The following FRAS1 variants were observed in gnomAD, a reference collection of about 807,000 sequenced individuals.
FRAS1 encodes Fraser extracellular matrix complex subunit 1.
FRAS1 carries 290 observed loss-of-function variants against 435.2 expected under a neutral mutation model. The observed-to-expected ratio is 0.67, with a 90% CI of 0.61 to 0.73. The LOEUF is 0.73. Among genes scored for constraint, FRAS1 ranks in the 30% least tolerant of loss-of-function variants. The pLI is 0.00. For missense variants in FRAS1, 4,860 were observed against 5,001.5 expected (o/e 0.97, Z 0.85); for synonymous variants, 1,800 against 1,851.0 (o/e 0.97, Z 0.71).
chr4:78,282,197 T>C (rs1727362417), intron 11 of FRAS1, among the ~76,000 whole-genome samples: 1 of 152,218 alleles, frequency 6.6e-6, no homozygotes, highest in Admixed American at 6.5e-5. Context: ...AAAAATGAAT[T>C]GTTCTTTACA....
intron 2 of FRAS1, among the ~76,000 whole-genome samples, chr4:78,141,468 T>C (rs1199900476): frequency 6.6e-6 from 1 of 152,068 alleles, no homozygotes; most frequent in Non-Finnish European, 1.5e-5. Context: ...TAAAAACAAC[T>C]AGAAAATATG....
chr4:78,515,912 A>G lies in FRAS1; in HGVS notation c.10288A>G (p.Lys3430Glu). 6.2e-7 allele frequency: 1 copy of G among 1,614,024 alleles called. No homozygotes were observed. Residue 3430 changes from lysine to glutamate, a missense_variant, in exon 66 of 74, where the codon AAA (lysine) becomes GAA (glutamate). Physicochemically the swap from Lys to Glu is moderately conservative, Grantham distance 56. Transcript: ENST00000512123. ...AGAGCCGAAGACCATCCAGCTCTAC[A>G]AACACCTGAACCTGAAGAGCTGCGT... Reference protein sequence around the residue: ...VREPKTIQLYKHLNLKSCVWT... With the variant: ...VREPKTIQLYEHLNLKSCVWT...
intron 2 of FRAS1, among the ~76,000 whole-genome samples, chr4:78,225,090 C>T (rs755408479): frequency 5.3e-5 from 8 of 152,098 alleles, no homozygotes; most frequent in Non-Finnish European, 5.9e-5. Context: ...GTGTCTGGAG[C>T]ACAGGAAAGG....
intron 2 of FRAS1, among the ~76,000 whole-genome samples, chr4:78,101,999 T>C (rs1420117890): frequency 1.3e-5 from 2 of 152,208 alleles, no homozygotes; most frequent in African/African-American, 2.4e-5. Flanking sequence ...CTCCATATTA[T>C]ACTGAAGAGG....
chr4:78,211,336 G>A (rs1320971664), intron 2 of FRAS1, among the ~76,000 whole-genome samples: 1 of 152,166 alleles, frequency 6.6e-6, no homozygotes, highest in African/African-American at 2.4e-5. Flanking sequence ...GCCATCTTTC[G>A]ATGTATTTTT....
chr4:78,303,632 T>C (rs1283517344), intron 14 of FRAS1, among the ~76,000 whole-genome samples: 2 of 152,192 alleles, frequency 1.3e-5, no homozygotes, highest in Non-Finnish European at 2.9e-5. Flanking sequence ...GAATGGGAGT[T>C]CACCCATTAT....
intron 2 of FRAS1, among the ~76,000 whole-genome samples, chr4:78,083,542 AC>A (rs1740996620): frequency 6.6e-6 from 1 of 151,858 alleles, no homozygotes; most frequent in Admixed American, 6.6e-5. Flanking sequence ...AAGCCTAGGA[AC>A]ACCCTACCTC....
At chr4:78,521,409 AT>A in intron 67 of FRAS1, 113 bp from the exon 68 acceptor site, 1 of 651,964 alleles carries the variant, frequency 1.5e-6, no homozygotes, top group Non-Finnish European at 2.7e-6. Flanking sequence ...ATCTTGTTAC[AT>A]TCAAATAAAT....
intron 72 of FRAS1, among the ~76,000 whole-genome samples, chr4:78,538,580 T>C (rs1487815788): frequency 6.6e-6 from 1 of 152,076 alleles, no homozygotes; most frequent in Non-Finnish European, 1.5e-5. Flanking sequence ...CTTACAATCA[T>C]AGCAGAAGGG....
rs548502648 is a variant in FRAS1 at position 78,067,200 on chromosome 4, T to C, written c.108+1184T>C. Among the ~76,000 whole-genome samples the C allele has an allele frequency of 2.0e-5, 3 of 152,312 alleles. No individual in the cohort carries two copies. The East Asian group carries it at 5.8e-4, about 29-fold the overall frequency. On this transcript the variant is annotated intron_variant, in intron 2 of 73. Transcript: ENST00000512123. ...GTATTCATATGTCTGATACTTATAA[T>C]AGACCAATGAAATAGGCAGGCCATG...
At chr4:78,510,636 A>G (rs1294421315) in intron 63 of FRAS1, among the ~76,000 whole-genome samples, 4 of 152,174 alleles carry the variant, frequency 2.6e-5, no homozygotes, top group Non-Finnish European at 4.4e-5. Context: ...GGTGACCTAC[A>G]TTGCCTCTGC....
chr4:78,450,899 A>T (rs1484661215), intron 45 of FRAS1, among the ~76,000 whole-genome samples: 4 of 152,170 alleles, frequency 2.6e-5, no homozygotes, highest in Non-Finnish European at 5.9e-5. Context: ...AAGGGAAAAA[A>T]AGTTATATAT....
At chr4:78,308,748 T>G (rs1035605882) in intron 15 of FRAS1, among the ~76,000 whole-genome samples, 24 of 152,186 alleles carry the variant, frequency 1.6e-4, no homozygotes, top group Admixed American at 6.5e-4. Context: ...TTCCAAGTGC[T>G]TTATAAATAT....
chr4:78,222,542 C>G (rs1724100642), intron 2 of FRAS1, among the ~76,000 whole-genome samples: 1 of 152,204 alleles, frequency 6.6e-6, no homozygotes, highest in African/African-American at 2.4e-5. Flanking sequence ...GCTAATAAGT[C>G]CCAGCTAGAC....
chr4:78,236,008 T>A (rs1039591089), intron 2 of FRAS1, among the ~76,000 whole-genome samples: 3 of 152,228 alleles, frequency 2.0e-5, no homozygotes, highest in Admixed American at 6.5e-5. Context: ...CACAGAGGGA[T>A]AGTGAAGAGC....
Position 78,199,365 on chromosome 4 carries a change from G to T in FRAS1, c.109-38145G>T, listed in dbSNP as rs191533933. Among the ~76,000 whole-genome samples the T allele has an allele frequency of 3.3e-5, 5 of 152,308 alleles. No homozygotes were observed. In the East Asian group the frequency reaches 9.6e-4, roughly 29 times the overall value. ...TGCAAGTAGTTATCTCTCCAGAGAT[G>T]ATTACCTCTGTGGGCTGCTCCTTTT... On this transcript the variant is annotated intron_variant, in intron 2 of 73. Transcript: ENST00000512123.
At chr4:78,418,754 A>G (rs1733645821) in intron 32 of FRAS1, among the ~76,000 whole-genome samples, 195 bp from the exon 33 acceptor site, 2 of 152,194 alleles carry the variant, frequency 1.3e-5, no homozygotes, top group African/African-American at 4.8e-5. Flanking sequence ...AGGACTCTCT[A>G]AACCTAGGAG....
intron 70 of FRAS1, among the ~76,000 whole-genome samples, chr4:78,532,898 G>C (rs1360813759): frequency 6.6e-6 from 1 of 152,086 alleles, no homozygotes; most frequent in Admixed American, 6.5e-5. Context: ...ATGGACACTG[G>C]TTGTTTACAA....
In FRAS1 at chr4:78,090,865, G is replaced by A. The variant is rs146258512; in HGVS notation, c.108+24849G>A. Among the ~76,000 whole-genome samples, 403 of 152,196 alleles carry A rather than the reference G, an allele frequency of 2.6e-3. 1 individual carries two copies. The highest frequency in any genetic ancestry group is 9.2e-3 in the African/African-American group (382 of 41,530). ...TTCAAATGTAAAACTTCTAAGAGGA[G>A]CATAATTCTAGAAATGGCAAGATTA... is the stretch of plus-strand genomic sequence containing the variant. On this transcript the variant is annotated intron_variant, in intron 2 of 73. Transcript: ENST00000512123.
Sources: allele counts gnomAD v4.1 joint callset (sites outside exome capture counted in the v4.1 genomes callset), GRCh38; gene constraint gnomAD v4.1.1; transcripts MANE v1.5; gene names NCBI Gene and HGNC (gene_info 2026-07-23, HGNC 2026-07-21).